Variants in PLD1 observed in about 807,000 individuals in gnomAD.
PLD1 encodes the protein choline phosphatase 1.
PLD1 carries 112 observed loss-of-function variants against 137.1 expected under a neutral mutation model. The ratio of observed to expected loss-of-function variants is 0.82; its 90% CI spans 0.70 to 0.96. The LOEUF is 0.96. Among genes scored for constraint, PLD1 ranks in the 40% least tolerant of loss-of-function variants. The pLI is 0.00. For synonymous variants in PLD1, 431 were observed against 454.7 expected (o/e 0.95, Z 0.66); for missense variants, 1,321 against 1,342.0 (o/e 0.98, Z 0.24).
At chr3:171,708,651 T>C in intron 11 of PLD1, 104 bp downstream of exon 11, 1 of 663,642 alleles carries the variant, frequency 1.5e-6, no homozygotes, top group South Asian at 2.1e-5. Flanking sequence ...CATCCACAGA[T>C]ACAGCTGATT....
At chr3:171,767,398 T>C (rs2108323722) in intron 1 of PLD1, among the ~76,000 whole-genome samples, 1 of 152,324 alleles carries the variant, frequency 6.6e-6, no homozygotes, top group Admixed American at 6.5e-5. Flanking sequence ...CACCAATGGC[T>C]TGCCTTGCTG....
intron 12 of PLD1, among the ~76,000 whole-genome samples, chr3:171,697,817 G>A (rs1003227951): frequency 6.6e-6 from 1 of 152,038 alleles, no homozygotes; most frequent in Admixed American, 6.5e-5. Flanking sequence ...ATTAAATCGG[G>A]GCATTGTTTC....
intron 1 of PLD1, among the ~76,000 whole-genome samples, chr3:171,794,801 T>C (rs1723363259): frequency 6.6e-6 from 1 of 152,128 alleles, no homozygotes; most frequent in Non-Finnish European, 1.5e-5. Flanking sequence ...AAAGAAAATA[T>C]CAATATGTTC....
Position 171,713,996 on chromosome 3 carries a change from C to T in PLD1, c.808G>A (p.Gly270Ser), listed in dbSNP as rs1484029367. 47 of 1,608,288 alleles carry T rather than the reference C, an allele frequency of 2.9e-5. No individual in the cohort carries two copies. The highest frequency in any genetic ancestry group is 4.5e-5 in the East Asian group (2 of 44,844). ...ACCAGCAGGACGAAGGCAATGGCAC[C>T]GCTGTCTGGTTTCATATACAATAAA... ...SFLLYMKPDS[G>S]AIAFVLLVDK... The change falls in exon 9 of 27, where the codon GGT becomes AGT. Residue 270 changes from glycine (G) to serine (S), a missense_variant. Physicochemically the swap from Gly to Ser is moderately conservative, Grantham distance 56 (BLOSUM62 0). Coordinates refer to ENST00000351298, the MANE Select transcript of PLD1 (RefSeq NM_002662.5).
At chr3:171,639,696 T>C (rs953986265) in intron 23 of PLD1, among the ~76,000 whole-genome samples, 5 of 128,496 alleles carry the variant, frequency 3.9e-5, no homozygotes, top group Admixed American at 2.8e-4. Flanking sequence ...CCTATTCATA[T>C]AATATATATT....
At chr3:171,777,869 G>A (rs2108337992) in intron 1 of PLD1, among the ~76,000 whole-genome samples, 1 of 152,294 alleles carries the variant, frequency 6.6e-6, no homozygotes, top group South Asian at 2.1e-4. Context: ...AACAAATTAT[G>A]CCTTGCGACT....
intron 25 of PLD1, 61 bp from the exon 26 acceptor site, chr3:171,605,477 A>AATAGACATATATCC: frequency 4.5e-6 from 4 of 898,816 alleles, no homozygotes; most frequent in Non-Finnish European, 7.6e-6. Context: ...TGCAGGATAT[A>AATAGACATATATCC]TGTCTATTAT....
chr3:171,707,135 A>C (rs541888372), intron 11 of PLD1, among the ~76,000 whole-genome samples: 2 of 152,294 alleles, frequency 1.3e-5, no homozygotes, highest in South Asian at 4.1e-4. Flanking sequence ...ATGGACACAT[A>C]CAAGGGAACA....
At chr3:171,709,483 G>A (rs1716972461) in intron 10 of PLD1, 77 bp downstream of exon 10, 2 of 1,256,218 alleles carry the variant, frequency 1.6e-6, no homozygotes, top group African/African-American at 3.0e-5. Context: ...TTTGAAAACT[G>A]ATTCCAGGTG....
chr3:171,781,982 G>C lies in PLD1; in HGVS notation c.-32+28417C>G, dbSNP rs141550275. On this transcript the variant is annotated intron_variant, in intron 1 of 26. Transcript: ENST00000351298. ...CTCAGGCATCCACCCGTAGAAAAATGAATAAACAACCTGTTGTATCATCAA... is the reference window on the plus strand; with the variant it reads ...CTCAGGCATCCACCCGTAGAAAAATCAATAAACAACCTGTTGTATCATCAA... Among the ~76,000 whole-genome samples, 283 of 152,284 alleles carry C rather than the reference G, an allele frequency of 1.9e-3. 1 individual carries two copies. Among genetic ancestry groups the C allele is most frequent in the African/African-American group, 6.6e-3 (275 of 41,554 alleles).
chr3:171,736,176 G>A (rs1351745236), intron 3 of PLD1, among the ~76,000 whole-genome samples: 1 of 152,144 alleles, frequency 6.6e-6, no homozygotes, highest in Non-Finnish European at 1.5e-5. Flanking sequence ...AACCACCAGT[G>A]TTAAGGAGGG....
In PLD1 at chr3:171,699,796, T is replaced by C. The variant is rs765606908; in HGVS notation, c.1176A>G (p.Pro392=). ...WLSPEIFLKR[P]VVEGNRWRLD... is the part of the protein sequence containing the mutation. ...ACCTCCAACGATTTCCCTCAACCACTGGGCGTTTCAGGAAGATTTCTGGAC... is the reference window on the plus strand; with the variant it reads ...ACCTCCAACGATTTCCCTCAACCACCGGGCGTTTCAGGAAGATTTCTGGAC... Residue 392 remains proline (P), a synonymous_variant, in exon 12 of 27, where the codon CCA becomes CCG. Transcript: ENST00000351298. The C allele has an allele frequency of 1.9e-6, 3 of 1,613,976 alleles. No homozygotes were observed. Among genetic ancestry groups the C allele is most frequent in the Non-Finnish European group, 2.5e-6 (3 of 1,179,876 alleles).
chr3:171,639,627 TTC>T (rs1358851327), intron 23 of PLD1, among the ~76,000 whole-genome samples: 14 of 71,014 alleles, frequency 2.0e-4, no homozygotes, highest in African/African-American at 8.2e-4. Context: ...ATAATATATA[TTC>T]TATATAATAT....
chr3:171,692,674 C>T (rs552172877), intron 12 of PLD1, among the ~76,000 whole-genome samples: 6 of 152,192 alleles, frequency 3.9e-5, no homozygotes, highest in Non-Finnish European at 7.4e-5. Flanking sequence ...TCGCATGCCA[C>T]CACGCCCAGT....
intron 20 of PLD1, 144 bp downstream of exon 20, chr3:171,661,916 A>G (rs1202571763): frequency 1.8e-6 from 1 of 545,080 alleles, no homozygotes; most frequent in Non-Finnish European, 3.3e-6. Flanking sequence ...TTCAGGTGAT[A>G]TGAACCAGAG....
intron 1 of PLD1, chr3:171,765,364 A>G (rs570009511): frequency 3.3e-5 from 5 of 152,326 alleles, no homozygotes; most frequent in African/African-American, 9.6e-5. Flanking sequence ...TGTTCCAACA[A>G]CAATGATGAG....
At chr3:171,747,921 A>C (rs1240455414) in intron 1 of PLD1, among the ~76,000 whole-genome samples, 3 of 152,218 alleles carry the variant, frequency 2.0e-5, no homozygotes, top group African/African-American at 7.2e-5. Flanking sequence ...CAACTTCCTC[A>C]CCTAAAAACT....
chr3:171,720,866 T>C (rs1718078933), intron 8 of PLD1, among the ~76,000 whole-genome samples: 1 of 152,178 alleles, frequency 6.6e-6, no homozygotes, highest in Non-Finnish European at 1.5e-5. Flanking sequence ...AGCCTTTCCC[T>C]CACCTTTCCT....
intron 1 of PLD1, among the ~76,000 whole-genome samples, chr3:171,773,528 G>A (rs1169025011): frequency 1.3e-5 from 2 of 152,036 alleles, no homozygotes; most frequent in African/African-American, 4.8e-5. Context: ...CTTGAACCCG[G>A]GAGGCGGAGG....
Sources: allele counts gnomAD v4.1 joint callset (sites outside exome capture counted in the v4.1 genomes callset), GRCh38; gene constraint gnomAD v4.1.1; transcripts MANE v1.5; gene names NCBI Gene and HGNC (gene_info 2026-07-23, HGNC 2026-07-21).